CCDC25: variants seen among roughly 807,000 people sequenced by gnomAD.
The protein encoded by CCDC25 is coiled-coil domain-containing protein 25.
In CCDC25, 16 loss-of-function variants were observed where a neutral mutation model predicts 35.3. The observed-to-expected ratio is 0.45, with a 90% CI of 0.31 to 0.69. The LOEUF (loss-of-function observed/expected upper bound fraction) is 0.69, where lower values mean the gene tolerates loss of function less well. Among genes scored for constraint, CCDC25 ranks in the 30% least tolerant of loss-of-function variants. The probability of loss-of-function intolerance (pLI) is 0.06; values close to 1 mark genes in which losing one functional copy is unlikely to be tolerated. For synonymous variants in CCDC25, 79 were observed against 80.3 expected (o/e 0.98, Z 0.09); for missense variants, 179 against 250.7 (o/e 0.71, Z 1.93).
intron 1 of CCDC25, among the ~76,000 whole-genome samples, chr8:27,765,927 A>G (rs1804385215): frequency 6.6e-6 from 1 of 152,226 alleles, no homozygotes; most frequent in Admixed American, 6.5e-5. Flanking sequence ...AAGCCTTCCA[A>G]GTGATTCTAA....
At chr8:27,770,909 T>G (rs1440788652) in intron 1 of CCDC25, among the ~76,000 whole-genome samples, 1 of 152,170 alleles carries the variant, frequency 6.6e-6, no homozygotes, top group Non-Finnish European at 1.5e-5. Context: ...ACAAGTACAG[T>G]AGTCCCCCCT....
intron 5 of CCDC25, among the ~76,000 whole-genome samples, chr8:27,751,004 A>G (rs1026891976): frequency 6.6e-6 from 1 of 152,238 alleles, no homozygotes; most frequent in Non-Finnish European, 1.5e-5. Flanking sequence ...TCACAAGAGC[A>G]AGACCCTTGG....
chr8:27,762,637 G>C (rs1471364158), intron 2 of CCDC25, among the ~76,000 whole-genome samples, 179 bp from the exon 3 acceptor site: 1 of 151,978 alleles, frequency 6.6e-6, no homozygotes, highest in East Asian at 1.9e-4. Context: ...TTTCATAATT[G>C]AACAATATGA....
At chr8:27,761,533 C>CG (rs1290234838) in intron 3 of CCDC25, among the ~76,000 whole-genome samples, 1 of 152,116 alleles carries the variant, frequency 6.6e-6, no homozygotes, top group Non-Finnish European at 1.5e-5. Flanking sequence ...ATAAAGCAAA[C>CG]GGGACCCAGG....
chr8:27,749,938 T>TTTA (rs1563448898), intron 5 of CCDC25, among the ~76,000 whole-genome samples: 7 of 152,180 alleles, frequency 4.6e-5, no homozygotes, highest in African/African-American at 1.7e-4. Context: ...AATTGATGAA[T>TTTA]CTAAGTGAAT....
Position 27,734,925 on chromosome 8 carries a change from C to T in CCDC25, c.*1291G>A, listed in dbSNP as rs1476137949. The T allele has an allele frequency of 4.6e-5, 7 of 152,184 alleles. No individual in the cohort carries two copies. The highest frequency in any genetic ancestry group is 1.7e-4 in the African/African-American group (7 of 41,426). 9.4% of individuals were successfully genotyped at this position (152,184 alleles called of 1,614,324 possible). On this transcript the variant is annotated 3_prime_UTR_variant, in exon 9 of 9. Transcript: ENST00000356537. ...GGAGGAGAAAGATGATAGCCCCGTA[C>T]AGAACCTGTCAGACTGAGCCTATGA...
chr8:27,768,564 CAAAAAAA>C (rs368194540), intron 1 of CCDC25, among the ~76,000 whole-genome samples: 2 of 106,620 alleles, frequency 1.9e-5, no homozygotes, highest in African/African-American at 7.1e-5. Context: ...GACTCCATCT[CAAAAAAA>C]AAAAAAAAAG....
chr8:27,736,348 C>T, intron 8 of CCDC25, 103 bp from the exon 9 acceptor site: 1 of 893,694 alleles, frequency 1.1e-6, no homozygotes. Context: ...ATCTCAGTCA[C>T]TGAGTTCAGA....
intron 4 of CCDC25, chr8:27,752,826 C>CAA (rs140102479): frequency 5.2e-5 from 12 of 229,838 alleles, no homozygotes; most frequent in South Asian, 1.9e-4. Flanking sequence ...AAAAAAAAAG[C>CAA]AAAAAAAAAC....
intron 4 of CCDC25, 32 bp from the exon 5 acceptor site, chr8:27,752,619 T>G: frequency 1.2e-5 from 18 of 1,489,028 alleles, no homozygotes; most frequent in Non-Finnish European, 1.6e-5. Context: ...ATTGGTCCAC[T>G]ACCTCATTAT....
chr8:27,769,331 A>G (rs1020421830), intron 1 of CCDC25, among the ~76,000 whole-genome samples: 4 of 152,240 alleles, frequency 2.6e-5, no homozygotes, highest in Admixed American at 2.6e-4. Context: ...CCACAAATCT[A>G]GTGAAGCATT....
At chr8:27,756,223 T>C (rs1210892110) in intron 4 of CCDC25, 2 of 153,160 alleles carry the variant, frequency 1.3e-5, no homozygotes, top group Non-Finnish European at 2.9e-5. Context: ...CTATATAAAA[T>C]ATATGAATAG....
At chr8:27,757,895 A>C (rs1046069549) in intron 3 of CCDC25, among the ~76,000 whole-genome samples, 15 of 152,114 alleles carry the variant, frequency 9.9e-5, no homozygotes, top group African/African-American at 3.4e-4. Context: ...CTTATGATAG[A>C]GTTCTCATGA....
chr8:27,760,500 T>C (rs542415532), intron 3 of CCDC25, among the ~76,000 whole-genome samples: 1 of 152,236 alleles, frequency 6.6e-6, no homozygotes, highest in African/African-American at 2.4e-5. Context: ...GATGTGGCCA[T>C]TGTAGGGAAA....
At chr8:27,747,156 A>G (rs1173821400) in intron 7 of CCDC25, among the ~76,000 whole-genome samples, 1 of 152,250 alleles carries the variant, frequency 6.6e-6, no homozygotes, top group Non-Finnish European at 1.5e-5. Flanking sequence ...TCTAGTCTGT[A>G]GAACCTATAA....
rs1462404142 is a variant in CCDC25, at chr8:27,765,139, G to A, written c.76+65C>T. On this transcript the variant is annotated intron_variant, in intron 2 of 8. Transcript: ENST00000356537. ...ACAAACTGGGTGGGGGGCATGGAAG[G>A]TGGTGAGTGAGAGATAACACTTACC... is the stretch of plus-strand genomic sequence containing the variant. 41 of 1,406,782 alleles carry A rather than the reference G, an allele frequency of 2.9e-5. No homozygotes were observed. The Middle Eastern group carries it at 7.9e-4, about 27-fold the overall frequency. 87.1% of individuals were successfully genotyped at this position (1,406,782 alleles called of 1,614,324 possible).
At chr8:27,757,931 G>A (rs940635506) in intron 3 of CCDC25, among the ~76,000 whole-genome samples, 2 of 152,134 alleles carry the variant, frequency 1.3e-5, no homozygotes, top group Non-Finnish European at 2.9e-5. Context: ...GCACAGCCCC[G>A]GCACCCTGCT....
At chr8:27,762,885 A>G (rs1804274249) in intron 2 of CCDC25, among the ~76,000 whole-genome samples, 1 of 152,158 alleles carries the variant, frequency 6.6e-6, no homozygotes, top group African/African-American at 2.4e-5. Context: ...AAAATTTAAA[A>G]CAAAACAAAC....
In CCDC25 at chr8:27,736,177, A is replaced by C. The variant is rs768590461; in HGVS notation, c.*39T>G. 6.3e-7 allele frequency: 1 copy of C among 1,597,330 alleles called. No individual in the cohort carries two copies. The highest frequency in any genetic ancestry group is 8.5e-7 in the Non-Finnish European group (1 of 1,172,228). ...CCAAAAGGTCTGCAATTGTCTCTAC[A>C]TTCACATCTTTCAAAGGTCCTTTTC... On this transcript the variant is annotated 3_prime_UTR_variant, in exon 9 of 9. Coordinates refer to ENST00000356537, the MANE Select transcript of CCDC25 (RefSeq NM_018246.3).
Sources: allele counts gnomAD v4.1 joint callset (sites outside exome capture counted in the v4.1 genomes callset), GRCh38; gene constraint gnomAD v4.1.1; transcripts MANE v1.5; gene names NCBI Gene and HGNC (gene_info 2026-07-23, HGNC 2026-07-21).